Variants in ERC2 observed in about 807,000 individuals in gnomAD.
ERC2 encodes ELKS/RAB6-interacting/CAST family member 2.
ERC2 carries 42 observed loss-of-function variants against 114.8 expected under a neutral mutation model. The observed-to-expected ratio is 0.37, with a 90% CI of 0.29 to 0.47. The LOEUF (loss-of-function observed/expected upper bound fraction) is 0.47. Among genes scored for constraint, ERC2 ranks in the 20% least tolerant of loss-of-function variants. The probability of loss-of-function intolerance (pLI) is 0.99; values close to 1 mark genes in which losing one functional copy is unlikely to be tolerated. For synonymous variants in ERC2, 454 were observed against 425.5 expected, an observed-to-expected ratio of 1.07 and a Z score of -0.82; for missense variants, 939 against 1,150.7, an observed-to-expected ratio of 0.82 and a Z score of 2.66.
At position 55,720,443 on chromosome 3, in the gene ERC2, G is replaced by A. The variant is rs113321177; in HGVS notation, c.2712+14328C>T. ...TGAGACTACAGGCACATGCCACTGC[G>A]TCCAGCTAATTTTTGAGTTTTTGTG... On this transcript the variant is annotated intron_variant, in intron 15 of 17. Coordinates refer to ENST00000288221, the MANE Select transcript of ERC2 (RefSeq NM_015576.3). Among the ~76,000 whole-genome samples, 95 of 150,478 alleles carry A rather than the reference G, an allele frequency of 6.3e-4. 2 individuals carry two copies. In the South Asian group the frequency reaches 6.3e-3, roughly 10 times the overall value.
intron 14 of ERC2, among the ~76,000 whole-genome samples, chr3:55,752,227 G>A (rs1331271168): frequency 1.3e-5 from 2 of 152,184 alleles, no homozygotes; most frequent in African/African-American, 2.4e-5. Flanking sequence ...AAGAAAAAGG[G>A]ACAGCTATGA....
intron 4 of ERC2, among the ~76,000 whole-genome samples, chr3:56,152,270 T>C (rs889491806): frequency 6.6e-6 from 1 of 152,182 alleles, no homozygotes; most frequent in East Asian, 1.9e-4. Context: ...ACAGTATTAC[T>C]GCCTCTAGAA....
intron 15 of ERC2, among the ~76,000 whole-genome samples, chr3:55,700,751 C>T (rs1235393300): frequency 6.6e-6 from 1 of 152,122 alleles, no homozygotes; most frequent in African/African-American, 2.4e-5. Context: ...GTGACACGTG[C>T]CTCCTGCATA....
chr3:55,946,087 TA>T (rs989499701), intron 13 of ERC2, among the ~76,000 whole-genome samples: 3 of 148,686 alleles, frequency 2.0e-5, no homozygotes, highest in African/African-American at 2.5e-5. Context: ...TAAATAAAAA[TA>T]AAAAAATAAA....
At chr3:56,135,028 T>C (rs2080425407) in intron 6 of ERC2, among the ~76,000 whole-genome samples, 2 of 151,888 alleles carry the variant, frequency 1.3e-5, no homozygotes, top group Non-Finnish European at 2.9e-5. Flanking sequence ...CTCATGCTCA[T>C]TGCAACTTCT....
intron 15 of ERC2, among the ~76,000 whole-genome samples, chr3:55,720,104 CCCTCCT>C (rs1169565307): frequency 3.6e-5 from 1 of 27,562 alleles, no homozygotes; most frequent in Admixed American, 2.7e-4. Flanking sequence ...CCTCCCATCC[CCCTCCT>C]CCTCCTCCTC....
chr3:55,689,400 G>A (rs886384231), intron 16 of ERC2, among the ~76,000 whole-genome samples: 3 of 152,172 alleles, frequency 2.0e-5, no homozygotes, highest in Non-Finnish European at 4.4e-5. Flanking sequence ...CCCAGCTGAA[G>A]ATGAGAATGG....
At chr3:55,667,619 A>G (rs972457824) in intron 17 of ERC2, among the ~76,000 whole-genome samples, 5 of 152,160 alleles carry the variant, frequency 3.3e-5, no homozygotes, top group African/African-American at 1.2e-4. Flanking sequence ...CTTACCTTCC[A>G]GTTTTGGAAA....
chr3:56,044,469 A>T (rs573264165), intron 7 of ERC2, among the ~76,000 whole-genome samples: 1 of 152,294 alleles, frequency 6.6e-6, no homozygotes, highest in East Asian at 1.9e-4. Flanking sequence ...GGAGGGAATA[A>T]AATGAAGAGA....
At chr3:56,036,078 A>C (rs1448094376) in intron 7 of ERC2, among the ~76,000 whole-genome samples, 1 of 152,204 alleles carries the variant, frequency 6.6e-6, no homozygotes, top group Non-Finnish European at 1.5e-5. Flanking sequence ...ATAATGGGCT[A>C]TGCCACATTA....
intron 13 of ERC2, among the ~76,000 whole-genome samples, chr3:55,939,141 T>C (rs2149420102): frequency 6.6e-6 from 1 of 152,350 alleles, no homozygotes; most frequent in Admixed American, 6.5e-5. Flanking sequence ...AGAATTAGAA[T>C]TTTCTTGGTT....
At chr3:56,323,655 G>T (rs1306822354) in intron 2 of ERC2, among the ~76,000 whole-genome samples, 1 of 152,086 alleles carries the variant, frequency 6.6e-6, no homozygotes, top group Admixed American at 6.6e-5. Flanking sequence ...TGATAAACAA[G>T]ATGTCAAAAA....
At chr3:56,065,551 G>A (rs1213353213) in intron 7 of ERC2, among the ~76,000 whole-genome samples, 1 of 151,810 alleles carries the variant, frequency 6.6e-6, no homozygotes, top group East Asian at 1.9e-4. Context: ...TTTATTTTAG[G>A]TTCCAGGATA....
rs146954696 is a variant in ERC2, at chr3:56,071,387, C to T, written c.1641+9430G>A. On this transcript the variant is annotated intron_variant, in intron 7 of 17. Coordinates refer to ENST00000288221, the MANE Select transcript of ERC2 (RefSeq NM_015576.3). ...TAAGTCACATCATCCCTCAGGTACT[C>T]TATATCTTGAGTGGAGAAATGAAGA... Among the ~76,000 whole-genome samples the T allele has an allele frequency of 1.6e-3, 245 of 152,304 alleles. 1 individual carries two copies. Among genetic ancestry groups the T allele is most frequent in the Admixed American group, 8.8e-3 (134 of 15,292 alleles).
At chr3:56,231,960 C>G (rs1361558452) in intron 3 of ERC2, among the ~76,000 whole-genome samples, 1 of 151,478 alleles carries the variant, frequency 6.6e-6, no homozygotes, top group Non-Finnish European at 1.5e-5. Flanking sequence ...AATGTAAGAC[C>G]TAGACATAGT....
chr3:56,455,972 G>C (rs2063044073), intron 1 of ERC2, among the ~76,000 whole-genome samples: 1 of 152,192 alleles, frequency 6.6e-6, no homozygotes. Context: ...ACCCCCCCAG[G>C]ACAGACAGAT....
Position 55,800,305 on chromosome 3 carries a change from G to A in ERC2, c.2565-65387C>T, listed in dbSNP as rs572796964. On this transcript the variant is annotated intron_variant, in intron 14 of 17. Transcript: ENST00000288221. Reference sequence around the variant, plus strand: ...ATTACAGGCACGTGCTACCACGCCCGGCTAATTTTTGTATTTTTAGTAGAA... The same window carrying A: ...ATTACAGGCACGTGCTACCACGCCCAGCTAATTTTTGTATTTTTAGTAGAA... Among the ~76,000 whole-genome samples the A allele has an allele frequency of 8.5e-5, 13 of 152,056 alleles. No homozygotes were observed. The South Asian group carries it at 2.5e-3, about 29-fold the overall frequency.
At chr3:55,733,319 CTCT>C (rs2065377884) in intron 15 of ERC2, among the ~76,000 whole-genome samples, 6 of 152,104 alleles carry the variant, frequency 3.9e-5, no homozygotes, top group African/African-American at 1.2e-4. Flanking sequence ...AGGCATGCCA[CTCT>C]GTGGAATGAC....
chr3:56,200,834 A>C (rs1217129201), intron 3 of ERC2, among the ~76,000 whole-genome samples: 1 of 152,222 alleles, frequency 6.6e-6, no homozygotes, highest in African/African-American at 2.4e-5. Flanking sequence ...CCATGGTGGG[A>C]GTAACTATGC....
Sources: gnomAD v4.1 joint callset for allele counts (sites outside exome capture counted in the v4.1 genomes callset) on GRCh38, gnomAD v4.1.1 for gene constraint, MANE v1.5 for transcripts, NCBI Gene and HGNC (gene_info 2026-07-23, HGNC 2026-07-21) for gene names.